The following QTMAN variants were observed in gnomAD, a reference collection of about 807,000 sequenced individuals.
QTMAN encodes the protein queuosine-tRNA mannosyltransferase, also known as tRNA-queuosine alpha-mannosyltransferase.
the QTMAN span, among the ~76,000 whole-genome samples, chr2:144,182,763 C>T: frequency 9.1e-6 from 1 of 109,592 alleles, no homozygotes; most frequent in Non-Finnish European, 1.9e-5. Context: ...TGAGTAGCAT[C>T]CACAGCAAGT....
the QTMAN span, among the ~76,000 whole-genome samples, chr2:144,054,753 C>T: frequency 6.6e-6 from 1 of 152,152 alleles, no homozygotes; most frequent in South Asian, 2.1e-4. Flanking sequence ...CACTCCTAAT[C>T]CCTGCCCGAG....
chr2:144,276,020 A>G, the QTMAN span, among the ~76,000 whole-genome samples: 1 of 152,112 alleles, frequency 6.6e-6, no homozygotes, highest in African/African-American at 2.4e-5. Flanking sequence ...ATTTATGTCT[A>G]TAGTGATATG....
At chr2:144,041,952 A>G in the QTMAN span, among the ~76,000 whole-genome samples, 1 of 152,142 alleles carries the variant, frequency 6.6e-6, no homozygotes, top group Non-Finnish European at 1.5e-5. Context: ...AGAGGGGACA[A>G]AAGCACTAGG....
At chr2:144,100,525 C>T in the QTMAN span, among the ~76,000 whole-genome samples, 1 of 152,146 alleles carries the variant, frequency 6.6e-6, no homozygotes, top group African/African-American at 2.4e-5. Context: ...TGAATTGGGG[C>T]TAAAATAACC....
At chr2:143,990,720 C>CA in the QTMAN span, among the ~76,000 whole-genome samples, 3 of 151,846 alleles carry the variant, frequency 2.0e-5, no homozygotes, top group Non-Finnish European at 4.4e-5. Context: ...GATAAAATTC[C>CA]AAAAAATATA....
chr2:144,215,129 C>T, the QTMAN span, among the ~76,000 whole-genome samples: 1 of 151,970 alleles, frequency 6.6e-6, no homozygotes, highest in Non-Finnish European at 1.5e-5. Context: ...ATAATGCTAG[C>T]TTCTCCAGAG....
chr2:144,234,800 A>T, the QTMAN span, among the ~76,000 whole-genome samples: 1 of 152,194 alleles, frequency 6.6e-6, no homozygotes, highest in Non-Finnish European at 1.5e-5. Context: ...ACAGAATCTG[A>T]TAACAAGTCA....
At chr2:144,313,750 T>C in the QTMAN span, among the ~76,000 whole-genome samples, 3 of 151,580 alleles carry the variant, frequency 2.0e-5, no homozygotes, top group Non-Finnish European at 4.4e-5. Flanking sequence ...ATTTCATATA[T>C]ACTTAATCAA....
chr2:143,975,402 T>C, the QTMAN span, among the ~76,000 whole-genome samples: 2 of 152,202 alleles, frequency 1.3e-5, no homozygotes, highest in Non-Finnish European at 2.9e-5. Context: ...AGAACACTAG[T>C]TCTTTATGAA....
At chr2:144,142,929 C>T in the QTMAN span, among the ~76,000 whole-genome samples, 1 of 151,926 alleles carries the variant, frequency 6.6e-6, no homozygotes, top group Non-Finnish European at 1.5e-5. Flanking sequence ...AACCATACTT[C>T]GAATACTGAA....
the QTMAN span, among the ~76,000 whole-genome samples, chr2:144,036,389 A>G: frequency 6.6e-6 from 1 of 152,322 alleles, no homozygotes; most frequent in East Asian, 1.9e-4. Flanking sequence ...ACAAAAGAAT[A>G]TATTTAAAGC....
chr2:144,019,815 A>C, the QTMAN span, among the ~76,000 whole-genome samples: 1 of 152,208 alleles, frequency 6.6e-6, no homozygotes, highest in Non-Finnish European at 1.5e-5. Flanking sequence ...TTTGGCTCCC[A>C]GAGAGCTGGA....
chr2:144,145,240 T>C, the QTMAN span, among the ~76,000 whole-genome samples: 1 of 151,772 alleles, frequency 6.6e-6, no homozygotes, highest in East Asian at 1.9e-4. Flanking sequence ...TAAGTAAGAG[T>C]TGACTAACTG....
chr2:144,087,334 A>G, the QTMAN span, among the ~76,000 whole-genome samples: 2 of 152,160 alleles, frequency 1.3e-5, no homozygotes, highest in African/African-American at 4.8e-5. Flanking sequence ...TCCCACAAAT[A>G]AATCATTAGG....
At chr2:144,327,622 G>A in the QTMAN span, among the ~76,000 whole-genome samples, 14 of 152,208 alleles carry the variant, frequency 9.2e-5, no homozygotes, top group East Asian at 2.7e-3. Context: ...CCTCAAAAAA[G>A]TTCAAATTAT....
chr2:144,297,943 T>A, the QTMAN span, among the ~76,000 whole-genome samples: 1 of 152,030 alleles, frequency 6.6e-6, no homozygotes, highest in East Asian at 1.9e-4. Flanking sequence ...GAATATAGAC[T>A]GTATAGTATA....
At chr2:144,133,304 C>T in the QTMAN span, among the ~76,000 whole-genome samples, 5 of 20,088 alleles carry the variant, frequency 2.5e-4, no homozygotes, top group South Asian at 8.2e-4. Flanking sequence ...TATATATGTT[C>T]ATATAAATAT....
the QTMAN span, among the ~76,000 whole-genome samples, chr2:143,948,463 T>C: frequency 1.3e-5 from 2 of 152,136 alleles, no homozygotes; most frequent in East Asian, 3.8e-4. Flanking sequence ...GAGAATACCA[T>C]TCAATTTATA....
At chr2:144,119,187 T>C in the QTMAN span, among the ~76,000 whole-genome samples, 2 of 152,206 alleles carry the variant, frequency 1.3e-5, no homozygotes, top group East Asian at 3.9e-4. Context: ...CCAGAGTTCA[T>C]TTGTTTACAT....
Sources: gnomAD v4.1 joint callset for allele counts (sites outside exome capture counted in the v4.1 genomes callset) on GRCh38, gnomAD v4.1.1 for gene constraint, MANE v1.5 for transcripts, NCBI Gene and HGNC (gene_info 2026-07-23, HGNC 2026-07-21) for gene names.